PSMD13: variants seen among roughly 807,000 people sequenced by gnomAD.
PSMD13 encodes 26S proteasome non-ATPase regulatory subunit 13.
A neutral mutation model predicts 57.4 loss-of-function variants in PSMD13; 8 were observed. The observed-to-expected ratio is 0.14, with a 90% CI of 0.08 to 0.25. The LOEUF (loss-of-function observed/expected upper bound fraction) is 0.25, where lower values mean the gene tolerates loss of function less well. PSMD13 is among the 10% of genes least tolerant of loss of function. PSMD13 has a pLI of 1.00. For missense variants in PSMD13, 400 were observed against 461.5 expected (o/e 0.87, Z 1.22); for synonymous variants, 193 against 168.2 (o/e 1.15, Z -1.14).
At chr11:244,111 G>A in intron 3 of PSMD13, 36 bp downstream of exon 3, 1 of 1,606,214 alleles carries the variant, frequency 6.2e-7, no homozygotes, top group South Asian at 1.1e-5. Flanking sequence ...CTTTGAAAAT[G>A]AGTGCATTGA....
chr11:242,252 G>A (rs989020577), intron 2 of PSMD13, among the ~76,000 whole-genome samples: 1 of 147,480 alleles, frequency 6.8e-6, no homozygotes, highest in Non-Finnish European at 1.5e-5. Context: ...CACGTTCTAT[G>A]TTGTAGTATC....
At position 251,638 on chromosome 11, in the gene PSMD13, A is replaced by G; in HGVS notation, c.918+12A>G. 1.2e-6 allele frequency: 2 copies of G among 1,608,074 alleles called. No homozygotes were observed. The highest frequency in any genetic ancestry group is 1.7e-6 in the Non-Finnish European group (2 of 1,174,814). ...TCACAGTGAATGAGGTACGGTCCCT[A>G]GGCTCAGGGTGTTAGAGCAGCAAAG... On this transcript the variant is annotated intron_variant, in intron 11 of 12. Transcript: ENST00000532097. The surrounding 1 kb of genome is among the most constrained non-coding windows in gnomAD (Gnocchi z 4.6).
intron 6 of PSMD13, 115 bp downstream of exon 6, chr11:244,876 G>A: frequency 9.0e-6 from 7 of 775,336 alleles, no homozygotes; most frequent in South Asian, 7.6e-5. Context: ...TTACATTACA[G>A]AAAAGTTGCA....
intron 2 of PSMD13, among the ~76,000 whole-genome samples, chr11:241,179 G>A (rs528427829): frequency 2.1e-5 from 3 of 145,556 alleles, no homozygotes; most frequent in Non-Finnish European, 3.0e-5. Flanking sequence ...TCGCACTGTC[G>A]CCCAGGCTGG....
chr11:251,169 A>G lies in PSMD13; in HGVS notation c.837+304A>G. The G allele has an allele frequency of 6.5e-6, 3 of 462,296 alleles. No homozygotes were observed. The highest frequency in any genetic ancestry group is 2.6e-5 in the South Asian group (1 of 38,346). The allele number at this position is 462,296 out of a possible 1,614,324, so 28.6% of individuals were successfully genotyped here. A position where few individuals can be genotyped will look rare whatever the true frequency, so the allele number is the denominator to read the frequency against. Reference sequence around the variant, plus strand: ...CGTGATGCAGTTGTTGCCTCATTGCATGTCGCTTCTTGTGTACACGCACAT... The same window carrying G: ...CGTGATGCAGTTGTTGCCTCATTGCGTGTCGCTTCTTGTGTACACGCACAT... On this transcript the variant is annotated intron_variant, in intron 10 of 12. Coordinates refer to ENST00000532097, the MANE Select transcript of PSMD13 (RefSeq NM_002817.4). The surrounding 1 kb of genome is among the most constrained non-coding windows in gnomAD (Gnocchi z 4.6).
chr11:247,906 C>G (rs3020899), intron 7 of PSMD13: 68,439 of 153,270 alleles, frequency 0.45, 15,634 homozygotes, highest in East Asian at 0.58. Flanking sequence ...TTTGTGTAAC[C>G]TTTAGTTTCT....
chr11:250,714 A>G (rs1859750770), intron 9 of PSMD13, 89 bp from the exon 10 acceptor site: 5 of 1,206,494 alleles, frequency 4.1e-6, no homozygotes, highest in Middle Eastern at 3.8e-4. Context: ...TGTTGGGTCT[A>G]CTGTTATAGA....
chr11:248,519 C>T, intron 7 of PSMD13: 2 of 487,652 alleles, frequency 4.1e-6, no homozygotes, highest in East Asian at 3.6e-5. Context: ...GGAAGTGGCA[C>T]AGCTGAAAAT....
intron 2 of PSMD13, chr11:243,460 G>A (rs1218481095): frequency 3.3e-6 from 1 of 303,140 alleles, no homozygotes; most frequent in Non-Finnish European, 6.6e-6. Flanking sequence ...TTATTTAAAT[G>A]AGTAGGACAG....
At position 243,630 on chromosome 11, in the gene PSMD13, C is replaced by T. The variant is rs1371503747; in HGVS notation, c.175-411C>T. On this transcript the variant is annotated intron_variant, in intron 2 of 12. Transcript: ENST00000532097. ...TCCTGGTAGGCTGGGGACCACACGG[C>T]AGCGCAGGCCATCTTCACAAGGGTC... is the stretch of plus-strand genomic sequence containing the variant. 3 of 370,534 alleles carry T rather than the reference C, an allele frequency of 8.1e-6. No individual in the cohort carries two copies. In the Admixed American group the frequency reaches 1.0e-4, roughly 12 times the overall value. The allele number at this position is 370,534 out of a possible 1,614,324, so 23.0% of individuals were successfully genotyped here.
rs1418329623 is a variant in PSMD13 at position 251,816 on chromosome 11, A to C, written c.919-4A>C. 2 of 1,613,626 alleles carry C rather than the reference A, an allele frequency of 1.2e-6. No individual in the cohort carries two copies. The highest frequency in any genetic ancestry group is 2.7e-5 in the African/African-American group (2 of 74,910). ...GTCTTACACACGCCTCCCTCTCTGC[A>C]CAGGTGGAGCTTCTGGTGATGAAGG... On this transcript the variant is annotated splice_polypyrimidine_tract_variant and splice_region_variant and intron_variant, in intron 11 of 12. Coordinates refer to ENST00000532097, the MANE Select transcript of PSMD13 (RefSeq NM_002817.4). The surrounding 1 kb of genome is among the most constrained non-coding windows in gnomAD (Gnocchi z 4.6).
chr11:251,641 C>G lies in PSMD13; in HGVS notation c.918+15C>G. On this transcript the variant is annotated intron_variant, in intron 11 of 12. Transcript: ENST00000532097. This position sits in a 1 kb window ranked among gnomAD's most constrained non-coding sequence, Gnocchi z 4.6. ...CAGTGAATGAGGTACGGTCCCTAGG[C>G]TCAGGGTGTTAGAGCAGCAAAGCTG... 1 of 1,607,542 alleles carries G rather than the reference C, an allele frequency of 6.2e-7. No individual in the cohort carries two copies. Among genetic ancestry groups the G allele is most frequent in the Middle Eastern group, 1.7e-4 (1 of 6,050 alleles).
intron 1 of PSMD13, 44 bp from the exon 2 acceptor site, chr11:238,954 A>G: frequency 2.6e-6 from 4 of 1,542,296 alleles, no homozygotes; most frequent in Non-Finnish European, 3.6e-6. Flanking sequence ...GGTGTCTGTG[A>G]CTGGATATTA....
At position 243,229 on chromosome 11, in the gene PSMD13, T is replaced by G. The variant is rs111532608; in HGVS notation, c.175-812T>G. 7.4e-3 allele frequency: 4,086 copies of G among 552,132 alleles called. 83 individuals carry two copies. Among genetic ancestry groups the G allele is most frequent in the African/African-American group, 0.051 (2,723 of 53,780 alleles). The allele number at this position is 552,132 out of a possible 1,614,324, so 34.2% of individuals were successfully genotyped here. A position where few individuals can be genotyped will look rare whatever the true frequency, so the allele number is the denominator to read the frequency against. ...TGCACACAACATTACTGACTTAACG[T>G]GGTGGGAAATGTACAAGATAGAGGC... is the stretch of plus-strand genomic sequence containing the variant. On this transcript the variant is annotated intron_variant, in intron 2 of 12. Coordinates refer to ENST00000532097, the MANE Select transcript of PSMD13 (RefSeq NM_002817.4).
At chr11:239,283 CA>C (rs1477689478) in intron 2 of PSMD13, among the ~76,000 whole-genome samples, 20 of 152,296 alleles carry the variant, frequency 1.3e-4, no homozygotes, top group African/African-American at 4.8e-4. Flanking sequence ...TAGAAGCAAA[CA>C]TAAGACTTTA....
At chr11:245,890 A>G (rs1859637768) in intron 6 of PSMD13, among the ~76,000 whole-genome samples, 1 of 152,188 alleles carries the variant, frequency 6.6e-6, no homozygotes, top group Non-Finnish European at 1.5e-5. Context: ...ATTTTAAGAC[A>G]TATTGAAAGC....
chr11:239,617 T>G (rs1296694668), intron 2 of PSMD13, among the ~76,000 whole-genome samples: 1 of 152,116 alleles, frequency 6.6e-6, no homozygotes, highest in Non-Finnish European at 1.5e-5. Flanking sequence ...GTACTTCGGT[T>G]GAGGGTAGGT....
At chr11:245,274 CT>C (rs1265601735) in intron 6 of PSMD13, among the ~76,000 whole-genome samples, 1 of 152,158 alleles carries the variant, frequency 6.6e-6, no homozygotes, top group Non-Finnish European at 1.5e-5. Flanking sequence ...CCGCTTTTGC[CT>C]TTGTGTGTGT....
chr11:252,430 C>T lies in PSMD13; in HGVS notation c.1036-75C>T, dbSNP rs1313294383. ...AGCTGGAGATGTAGAGTCACCCCATCAGGTGCTGTGCCGGCCGCTCGGCCT... is the reference window on the plus strand; with the variant it reads ...AGCTGGAGATGTAGAGTCACCCCATTAGGTGCTGTGCCGGCCGCTCGGCCT... On this transcript the variant is annotated intron_variant, in intron 12 of 12. Coordinates refer to ENST00000532097, the MANE Select transcript of PSMD13 (RefSeq NM_002817.4). The surrounding 1 kb of genome is among the most constrained non-coding windows in gnomAD (Gnocchi z 4.1). 16 of 1,355,096 alleles carry T rather than the reference C, an allele frequency of 1.2e-5. No individual in the cohort carries two copies. The highest frequency in any genetic ancestry group is 1.7e-5 in the Non-Finnish European group (16 of 947,064). 83.9% of individuals were successfully genotyped at this position (1,355,096 alleles called of 1,614,324 possible).
Sources: allele counts gnomAD v4.1 joint callset (sites outside exome capture counted in the v4.1 genomes callset), GRCh38; gene constraint gnomAD v4.1.1; non-coding constraint Gnocchi (gnomAD v3.1); transcripts MANE v1.5; gene names NCBI Gene and HGNC (gene_info 2026-07-23, HGNC 2026-07-21).